The following RASGEF1C variants were observed in gnomAD, a reference collection of about 807,000 sequenced individuals.
RASGEF1C encodes RasGEF domain family member 1C.
RASGEF1C carries 27 observed loss-of-function variants against 58.1 expected under a neutral mutation model. That is an observed-to-expected ratio of 0.46 (90% CI 0.34 to 0.64). The LOEUF (loss-of-function observed/expected upper bound fraction) is 0.64. Ranked by LOEUF, RASGEF1C falls within the 30% of genes least tolerant of loss-of-function variation. The pLI is 0.01. For synonymous variants in RASGEF1C, 243 were observed against 246.3 expected (o/e 0.99, Z 0.13); for missense variants, 502 against 605.1 (o/e 0.83, Z 1.79).
intron 1 of RASGEF1C, among the ~76,000 whole-genome samples, chr5:180,159,283 G>GCA (rs1438444151): frequency 1.3e-5 from 2 of 151,896 alleles, no homozygotes; most frequent in African/African-American, 4.8e-5. Context: ...GGGAGTACAG[G>GCA]CGTGCACCAC....
chr5:180,184,623 C>A (rs1755993536), intron 1 of RASGEF1C, among the ~76,000 whole-genome samples: 1 of 152,124 alleles, frequency 6.6e-6, no homozygotes, highest in Admixed American at 6.5e-5. Context: ...CAGAGATTTT[C>A]AGATTGGATA....
intron 1 of RASGEF1C, 146 bp from the exon 2 acceptor site, chr5:180,138,204 C>G (rs1766519891): frequency 1.9e-6 from 1 of 513,098 alleles, no homozygotes; most frequent in Admixed American, 3.8e-5. Flanking sequence ...GTGGTCACTT[C>G]CTGGGAGTAT....
intron 8 of RASGEF1C, 44 bp from the exon 9 acceptor site, chr5:180,118,910 G>T (rs1279137613): frequency 6.3e-7 from 1 of 1,579,392 alleles, no homozygotes; most frequent in Non-Finnish European, 8.7e-7. Context: ...CCTGGGACAG[G>T]GGGGCCTCTG....
chr5:180,116,076 T>C (rs934529095), intron 10 of RASGEF1C, among the ~76,000 whole-genome samples: 3 of 152,126 alleles, frequency 2.0e-5, no homozygotes, highest in African/African-American at 4.8e-5. Context: ...GGCATTGAGC[T>C]GGTCCTCAAG....
At chr5:180,131,229 G>C (rs1766362977) in intron 4 of RASGEF1C, among the ~76,000 whole-genome samples, 2 of 152,132 alleles carry the variant, frequency 1.3e-5, no homozygotes, top group South Asian at 4.1e-4. Context: ...CTTGTGCAAA[G>C]ATAGGAGCCC....
intron 1 of RASGEF1C, among the ~76,000 whole-genome samples, chr5:180,147,437 G>A (rs371963141): frequency 1.3e-5 from 2 of 151,898 alleles, no homozygotes; most frequent in Non-Finnish European, 2.9e-5. Flanking sequence ...TGTGTTTACA[G>A]CTATAAATTT....
rs1766202060 is a variant in RASGEF1C at position 180,123,081 on chromosome 5, C to T, written c.715-1932G>A. Among the ~76,000 whole-genome samples, 3 of 152,050 alleles carry T rather than the reference C, an allele frequency of 2.0e-5. No homozygotes were observed. In the South Asian group the frequency reaches 6.3e-4, roughly 32 times the overall value. On this transcript the variant is annotated intron_variant, in intron 6 of 13. Coordinates refer to ENST00000361132, the MANE Select transcript of RASGEF1C (RefSeq NM_175062.4). ...ATTACGTAACTATATTAACATTGAA[C>T]AAAATAGACTTTAAGGCAACAAAAA...
intron 1 of RASGEF1C, among the ~76,000 whole-genome samples, chr5:180,174,489 C>T (rs988202665): frequency 1.3e-4 from 13 of 96,354 alleles, no homozygotes; most frequent in African/African-American, 5.4e-4. Context: ...TCTGTGTGTG[C>T]GCGTGTGTGT....
chr5:180,137,625 C>T lies in RASGEF1C; in HGVS notation c.265G>A (p.Glu89Lys), dbSNP rs931191898. The T allele has an allele frequency of 6.2e-7, 1 of 1,611,558 alleles. No individual in the cohort carries two copies. The highest frequency in any genetic ancestry group is 1.1e-5 in the South Asian group (1 of 90,934). ...LLARVCHLCIEQQQLDKPVLD... is the reference protein window; with the variant it reads ...LLARVCHLCIKQQQLDKPVLD... ...ACCGGCTTGTCCAGCTGCTGCTGCT[C>T]GATGCACAGGTGGCAGACCCGGGCC... The change falls in exon 3 of 14, where the codon GAG becomes AAG. Residue 89 changes from glutamate to lysine, a missense_variant. Glu to Lys is a moderately conservative substitution (Grantham distance 56). Coordinates refer to ENST00000361132, the MANE Select transcript of RASGEF1C (RefSeq NM_175062.4). The surrounding 1 kb of genome is among the most constrained non-coding windows in gnomAD (Gnocchi z 4.1).
intron 1 of RASGEF1C, among the ~76,000 whole-genome samples, chr5:180,178,133 ATT>A (rs56344691): frequency 6.7e-5 from 9 of 135,326 alleles, no homozygotes; most frequent in Non-Finnish European, 7.9e-5. Context: ...AGCCTGGCTA[ATT>A]TTTTTTTTTT....
chr5:180,194,419 C>G (rs374516559), intron 1 of RASGEF1C, among the ~76,000 whole-genome samples: 1 of 152,218 alleles, frequency 6.6e-6, no homozygotes, highest in African/African-American at 2.4e-5. Context: ...TTTTCATCAT[C>G]CAAAGTGCTA....
intron 1 of RASGEF1C, among the ~76,000 whole-genome samples, chr5:180,185,015 A>AGG (rs896789135): frequency 5.3e-5 from 8 of 152,192 alleles, no homozygotes; most frequent in Non-Finnish European, 8.8e-5. Flanking sequence ...AAGGAGGGCC[A>AGG]GGGGCGGTGG....
At position 180,156,772 on chromosome 5, in the gene RASGEF1C, CA is replaced by C. The variant is rs1164512304; in HGVS notation, c.-6-18715del. On this transcript the variant is annotated intron_variant, in intron 1 of 13. Coordinates refer to ENST00000361132, the MANE Select transcript of RASGEF1C (RefSeq NM_175062.4). This position sits in a 1 kb window ranked among gnomAD's most constrained non-coding sequence, Gnocchi z 4.9. ...GGGCAACCAGAGTGAGACCCTGTCT[CA>C]AAAAAAAGTAAATAAAATAAAACAT... is the stretch of plus-strand genomic sequence containing the variant. Among the ~76,000 whole-genome samples, 4 of 151,170 alleles carry C rather than the reference CA, an allele frequency of 2.6e-5. No homozygotes were observed. Among genetic ancestry groups the C allele is most frequent in the Admixed American group, 1.3e-4 (2 of 15,170 alleles).
chr5:180,191,426 A>T (rs567425018), intron 1 of RASGEF1C, among the ~76,000 whole-genome samples: 2 of 151,952 alleles, frequency 1.3e-5, no homozygotes, highest in Non-Finnish European at 2.9e-5. Context: ...GCGCGATCTC[A>T]GCTCACTGCA....
chr5:180,135,058 AATC>A (rs1232015255), intron 4 of RASGEF1C, among the ~76,000 whole-genome samples: 1 of 40,878 alleles, frequency 2.4e-5, no homozygotes, highest in Non-Finnish European at 7.2e-5. Flanking sequence ...CCCCCCGTCC[AATC>A]ATCAACTGTT....
At chr5:180,103,312 T>A (rs565688946) in intron 12 of RASGEF1C, among the ~76,000 whole-genome samples, 3 of 152,116 alleles carry the variant, frequency 2.0e-5, no homozygotes, top group Non-Finnish European at 2.9e-5. Context: ...CTCCTGACCT[T>A]GTGATCCGCC....
At chr5:180,182,361 G>T (rs556094822) in intron 1 of RASGEF1C, among the ~76,000 whole-genome samples, 56 of 152,224 alleles carry the variant, frequency 3.7e-4, no homozygotes, top group African/African-American at 1.3e-3. Context: ...TTCACGGTGA[G>T]TGTTACAGCT....
Position 180,177,034 on chromosome 5 carries a change from A to G in RASGEF1C, c.-7+31994T>C, listed in dbSNP as rs1767241230. The stretch of plus-strand genomic sequence containing the variant: ...TCCAACTCCCACCCAACCTTGGTCA[A>G]CCTCCCAGAGGAGAGGGCTGCAGAC... On this transcript the variant is annotated intron_variant, in intron 1 of 13. Transcript: ENST00000361132. This position sits in a 1 kb window ranked among gnomAD's most constrained non-coding sequence, Gnocchi z 5.0. 6.6e-6 allele frequency among the ~76,000 whole-genome samples: 1 copy of G among 151,962 alleles called. No individual in the cohort carries two copies. The highest frequency in any genetic ancestry group is 2.4e-5 in the African/African-American group (1 of 41,390).
At position 180,138,029 on chromosome 5, in the gene RASGEF1C, G is replaced by T; in HGVS notation, c.24C>A (p.Ser8=). The stretch of plus-strand genomic sequence containing the variant: ...TGAGGCTGCCTGGGGTGACCATGTC[G>T]GAGGCACTCAGCGTCTGTGGCATGT... MPQTLSA[S]DMVTPGSLSP... is the part of the protein sequence containing the mutation. Residue 8 remains serine, a synonymous_variant, in exon 2 of 14, where the codon TCC becomes TCA. Coordinates refer to ENST00000361132, the MANE Select transcript of RASGEF1C (RefSeq NM_175062.4). 6.5e-7 allele frequency: 1 copy of T among 1,533,532 alleles called. No homozygotes were observed. The highest frequency in any genetic ancestry group is 8.7e-7 in the Non-Finnish European group (1 of 1,147,980). The allele number at this position is 1,533,532 out of a possible 1,614,324, so 95.0% of individuals were successfully genotyped here.
Sources: allele counts gnomAD v4.1 joint callset (sites outside exome capture counted in the v4.1 genomes callset), GRCh38; gene constraint gnomAD v4.1.1; non-coding constraint Gnocchi (gnomAD v3.1); transcripts MANE v1.5; gene names NCBI Gene and HGNC (gene_info 2026-07-23, HGNC 2026-07-21).